Variants in ASTN2 observed in about 807,000 individuals in gnomAD.
ASTN2 encodes astrotactin-2.
Under a neutral mutation model 139.8 loss-of-function variants are expected in ASTN2, and 54 were observed. The observed-to-expected ratio is 0.39, with a 90% CI of 0.31 to 0.48. ASTN2 has a LOEUF of 0.48. Ranked by LOEUF, ASTN2 falls within the 20% of genes least tolerant of loss-of-function variation. ASTN2 has a pLI of 0.95. For synonymous variants in ASTN2, 756 were observed against 719.5 expected (o/e 1.05, Z -0.81); for missense variants, 1,565 against 1,725.1 (o/e 0.91, Z 1.64).
chr9:116,943,944 C>T (rs1835306706), intron 10 of ASTN2, among the ~76,000 whole-genome samples: 1 of 151,978 alleles, frequency 6.6e-6, no homozygotes, highest in South Asian at 2.1e-4. Context: ...AAGTTCTGCC[C>T]TCCAAGAGTT....
chr9:116,962,818 G>A (rs894303511), intron 10 of ASTN2, among the ~76,000 whole-genome samples: 1 of 152,158 alleles, frequency 6.6e-6, no homozygotes, highest in African/African-American at 2.4e-5. Flanking sequence ...GGACTGTTTT[G>A]ATGGTAGAGT....
At chr9:116,974,480 G>C (rs1278222260) in intron 10 of ASTN2, among the ~76,000 whole-genome samples, 1 of 146,640 alleles carries the variant, frequency 6.8e-6, no homozygotes, top group Admixed American at 6.8e-5. Context: ...GGTTTTATAA[G>C]TTAAGAACAA....
At chr9:117,041,609 T>C (rs1838574512) in intron 5 of ASTN2, among the ~76,000 whole-genome samples, 1 of 152,168 alleles carries the variant, frequency 6.6e-6, no homozygotes, top group Non-Finnish European at 1.5e-5. Context: ...GCATATCTGT[T>C]CACTGCACTC....
intron 6 of ASTN2, among the ~76,000 whole-genome samples, chr9:117,030,484 T>G (rs904229998): frequency 2.0e-5 from 3 of 152,196 alleles, no homozygotes; most frequent in Non-Finnish European, 2.9e-5. Context: ...TCTTTTGTTA[T>G]GAAGGAAAAT....
At chr9:117,377,092 G>A (rs1830144068) in intron 1 of ASTN2, among the ~76,000 whole-genome samples, 1 of 152,336 alleles carries the variant, frequency 6.6e-6, no homozygotes, top group South Asian at 2.1e-4. Context: ...TATTCAGGGA[G>A]TTCAGTGGTG....
intron 16 of ASTN2, among the ~76,000 whole-genome samples, chr9:116,662,635 A>G (rs1858631121): frequency 6.6e-6 from 1 of 152,198 alleles, no homozygotes; most frequent in Non-Finnish European, 1.5e-5. Flanking sequence ...AAAACATGCC[A>G]GTTCTTGTTA....
chr9:117,342,011 A>G (rs975204015), intron 1 of ASTN2, among the ~76,000 whole-genome samples: 2 of 152,208 alleles, frequency 1.3e-5, no homozygotes, highest in East Asian at 3.9e-4. Flanking sequence ...AGCTATAGCT[A>G]TGGTTATTCT....
chr9:116,982,022 C>A (rs543129966), intron 7 of ASTN2, among the ~76,000 whole-genome samples: 2 of 152,296 alleles, frequency 1.3e-5, no homozygotes, highest in African/African-American at 2.4e-5. Context: ...TATGCATTCT[C>A]AGTCCAGAAA....
chr9:117,085,710 C>A (rs748234863), intron 5 of ASTN2, among the ~76,000 whole-genome samples: 2 of 152,198 alleles, frequency 1.3e-5, no homozygotes, highest in Non-Finnish European at 2.9e-5. Flanking sequence ...CTTTCCCCAA[C>A]ATCTCAGGGG....
Position 116,424,567 on chromosome 9 carries a change from T to C in ASTN2, c.*1284A>G, listed in dbSNP as rs1303336048. ...TCTTGTCTCTGGGCTTTTGTTCATATCTCTTCTTCCTGGAGCAAATTCCAT... is the reference window on the plus strand; with the variant it reads ...TCTTGTCTCTGGGCTTTTGTTCATACCTCTTCTTCCTGGAGCAAATTCCAT... On this transcript the variant is annotated 3_prime_UTR_variant, in exon 23 of 23. Coordinates refer to ENST00000313400, the MANE Select transcript of ASTN2 (RefSeq NM_001365068.1). Among the ~76,000 whole-genome samples, 1 of 150,546 alleles carries C rather than the reference T, an allele frequency of 6.6e-6. No homozygotes were observed. Among genetic ancestry groups the C allele is most frequent in the African/African-American group, 2.4e-5 (1 of 40,994 alleles).
chr9:116,552,742 A>G (rs2119411454), intron 19 of ASTN2, among the ~76,000 whole-genome samples: 1 of 152,336 alleles, frequency 6.6e-6, no homozygotes, highest in South Asian at 2.1e-4. Flanking sequence ...CAAAGCAAAA[A>G]TAAAGATCCC....
chr9:116,708,763 A>T (rs189177220), intron 16 of ASTN2, among the ~76,000 whole-genome samples: 1 of 152,280 alleles, frequency 6.6e-6, no homozygotes, highest in Non-Finnish European at 1.5e-5. Flanking sequence ...TAAAAGCCCA[A>T]TATGTTTTAG....
At chr9:116,907,066 C>A (rs1476700835) in intron 10 of ASTN2, among the ~76,000 whole-genome samples, 1 of 152,132 alleles carries the variant, frequency 6.6e-6, no homozygotes, top group Admixed American at 6.5e-5. Context: ...CAGAACAACC[C>A]CTTCAGCTAG....
intron 17 of ASTN2, among the ~76,000 whole-genome samples, chr9:116,643,866 A>G (rs1857460810): frequency 6.6e-6 from 1 of 152,172 alleles, no homozygotes; most frequent in Non-Finnish European, 1.5e-5. Flanking sequence ...TGCACTATTC[A>G]AAAATAAATC....
chr9:117,367,095 G>C (rs1829864375), intron 1 of ASTN2, among the ~76,000 whole-genome samples: 1 of 152,044 alleles, frequency 6.6e-6, no homozygotes, highest in African/African-American at 2.4e-5. Flanking sequence ...TTTTCAGTGA[G>C]CACTCTACTA....
chr9:116,795,285 T>G (rs1036452389), intron 13 of ASTN2, among the ~76,000 whole-genome samples: 11 of 152,340 alleles, frequency 7.2e-5, no homozygotes, highest in Admixed American at 3.9e-4. Context: ...GCCTTATCAG[T>G]AAATATTTTT....
At chr9:117,113,135 A>G (rs139368706) in intron 4 of ASTN2, among the ~76,000 whole-genome samples, 219 of 152,358 alleles carry the variant, frequency 1.4e-3, no homozygotes, top group African/African-American at 4.7e-3. Flanking sequence ...TTTACTGCAG[A>G]TGAAAACATG....
intron 2 of ASTN2, among the ~76,000 whole-genome samples, chr9:117,256,503 T>A (rs1833690624): frequency 6.6e-6 from 1 of 152,282 alleles, no homozygotes; most frequent in South Asian, 2.1e-4. Context: ...CTTAGAGAGA[T>A]TAAAACAGTT....
intron 13 of ASTN2, among the ~76,000 whole-genome samples, chr9:116,792,017 A>C (rs1280925489): frequency 6.6e-6 from 1 of 152,192 alleles, no homozygotes; most frequent in African/African-American, 2.4e-5. Context: ...TTTTCTTCAT[A>C]AAATGACCAG....
Sources: gnomAD v4.1 joint callset for allele counts (sites outside exome capture counted in the v4.1 genomes callset) on GRCh38, gnomAD v4.1.1 for gene constraint, MANE v1.5 for transcripts, NCBI Gene and HGNC (gene_info 2026-07-23, HGNC 2026-07-21) for gene names.